The following GRM5 variants were observed in gnomAD, a reference collection of about 807,000 sequenced individuals.
GRM5 encodes metabotropic glutamate receptor 5.
GRM5 carries 19 observed loss-of-function variants against 83.1 expected under a neutral mutation model. That is an observed-to-expected ratio of 0.23 (90% CI 0.16 to 0.34). The LOEUF is 0.34. GRM5 is among the 10% of genes least tolerant of loss of function. GRM5 has a pLI of 1.00. For missense variants in GRM5, 1,160 were observed against 1,588.3 expected (o/e 0.73, Z 4.58); for synonymous variants, 675 against 633.6 (o/e 1.07, Z -0.98).
intron 2 of GRM5, among the ~76,000 whole-genome samples, chr11:88,944,389 T>C (rs754675093): frequency 3.9e-5 from 6 of 151,970 alleles, no homozygotes; most frequent in African/African-American, 9.7e-5. Context: ...CTTTATTTTA[T>C]TGAATATATT....
intron 3 of GRM5, among the ~76,000 whole-genome samples, chr11:88,660,641 G>A (rs16914465): frequency 0.01 from 1,529 of 152,196 alleles, 17 homozygotes; most frequent in East Asian, 0.066. Context: ...GGCATGCTAG[G>A]GCCACACAGT....
chr11:88,698,131 T>A (rs1359487774), intron 3 of GRM5, among the ~76,000 whole-genome samples: 1 of 152,188 alleles, frequency 6.6e-6, no homozygotes, highest in East Asian at 1.9e-4. Context: ...GGGAAACTTT[T>A]AAAAATGCAG....
chr11:88,653,478 G>T, intron 3 of GRM5, 75 bp from the exon 4 acceptor site: 1 of 945,634 alleles, frequency 1.1e-6, no homozygotes, highest in Non-Finnish European at 1.6e-6. Flanking sequence ...CTTTCCTTTT[G>T]ACAAGATTAG....
At chr11:88,571,227 A>G (rs549077851) in intron 7 of GRM5, among the ~76,000 whole-genome samples, 130 of 152,306 alleles carry the variant, frequency 8.5e-4, no homozygotes, top group African/African-American at 3.1e-3. Flanking sequence ...TGTTCAGCTT[A>G]TTAACATCTG....
chr11:88,659,973 T>C (rs541464111), intron 3 of GRM5, among the ~76,000 whole-genome samples: 1 of 152,350 alleles, frequency 6.6e-6, no homozygotes, highest in Admixed American at 6.5e-5. Context: ...AAAATTGCAT[T>C]GAGTGATCCT....
At chr11:88,616,863 TG>T (rs1298110517) in intron 4 of GRM5, among the ~76,000 whole-genome samples, 26 of 152,302 alleles carry the variant, frequency 1.7e-4, no homozygotes, top group African/African-American at 6.3e-4. Flanking sequence ...ACATTGGCGG[TG>T]ATCTGTCACT....
chr11:88,878,563 A>G (rs921536591), intron 2 of GRM5, among the ~76,000 whole-genome samples: 1 of 152,156 alleles, frequency 6.6e-6, no homozygotes, highest in African/African-American at 2.4e-5. Flanking sequence ...ACGGAGAAAG[A>G]TATTCTCACA....
chr11:88,530,646 C>T (rs1287974854), intron 8 of GRM5, among the ~76,000 whole-genome samples: 1 of 151,986 alleles, frequency 6.6e-6, no homozygotes, highest in Non-Finnish European at 1.5e-5. Flanking sequence ...CTCTTTCCTA[C>T]CAATATCTAC....
intron 7 of GRM5, among the ~76,000 whole-genome samples, chr11:88,580,266 G>T (rs1380328117): frequency 1.3e-5 from 2 of 152,184 alleles, no homozygotes; most frequent in Non-Finnish European, 2.9e-5. Flanking sequence ...GATTAGGTGA[G>T]AGATCTGGAC....
intron 3 of GRM5, among the ~76,000 whole-genome samples, chr11:88,711,163 G>A (rs1394947091): frequency 2.0e-5 from 3 of 152,066 alleles, no homozygotes; most frequent in Non-Finnish European, 4.4e-5. Context: ...CCAGGGATAC[G>A]AAAGTTTGAA....
At position 88,862,657 on chromosome 11, in the gene GRM5, A is replaced by AT. The variant is rs546899297; in HGVS notation, c.662-12503dup. On this transcript the variant is annotated intron_variant, in intron 2 of 9. Coordinates refer to ENST00000305447, the MANE Select transcript of GRM5 (RefSeq NM_001143831.3). ...TCTACAGGGAAGATTTTATTTTTTC[A>AT]TTTTTTTTAAGTTCTGGGACACATG... Among the ~76,000 whole-genome samples, 1,208 of 151,758 alleles carry AT rather than the reference A, an allele frequency of 8.0e-3. 16 individuals carry two copies. Among genetic ancestry groups the AT allele is most frequent in the African/African-American group, 0.027 (1,117 of 41,382 alleles).
chr11:89,017,373 A>G (rs187769706), intron 2 of GRM5, among the ~76,000 whole-genome samples: 101 of 152,334 alleles, frequency 6.6e-4, no homozygotes, highest in Middle Eastern at 3.4e-3. Context: ...CAACAAAATT[A>G]AAAAACAAAC....
At chr11:88,774,436 T>C (rs1239329568) in intron 3 of GRM5, among the ~76,000 whole-genome samples, 1 of 152,214 alleles carries the variant, frequency 6.6e-6, no homozygotes, top group East Asian at 1.9e-4. Context: ...TTGAATACCC[T>C]TTATTTCTTT....
intron 3 of GRM5, among the ~76,000 whole-genome samples, chr11:88,725,038 A>G (rs2387405): frequency 0.06 from 9,137 of 152,172 alleles, 244 homozygotes; most frequent in Middle Eastern, 0.085. Flanking sequence ...CCTGGATGCC[A>G]TGATACAGAA....
At chr11:88,724,902 AACC>A (rs1323608497) in intron 3 of GRM5, among the ~76,000 whole-genome samples, 1 of 152,174 alleles carries the variant, frequency 6.6e-6, no homozygotes, top group African/African-American at 2.4e-5. Flanking sequence ...AAGTCTTCAC[AACC>A]CGCAGACCAG....
intron 8 of GRM5, among the ~76,000 whole-genome samples, chr11:88,564,751 G>A (rs761515568): frequency 2.0e-5 from 3 of 152,212 alleles, no homozygotes; most frequent in Non-Finnish European, 4.4e-5. Flanking sequence ...GCACAGTGAT[G>A]AGCAAGGTAA....
At chr11:88,701,832 G>A (rs1941043517) in intron 3 of GRM5, among the ~76,000 whole-genome samples, 1 of 152,112 alleles carries the variant, frequency 6.6e-6, no homozygotes, top group Admixed American at 6.6e-5. Context: ...AGACAAGGAA[G>A]GCTGTTAACC....
intron 3 of GRM5, among the ~76,000 whole-genome samples, chr11:88,718,811 A>T (rs1311569555): frequency 6.6e-6 from 1 of 151,976 alleles, no homozygotes; most frequent in Non-Finnish European, 1.5e-5. Flanking sequence ...TAAAGGCTTA[A>T]CTCATAGTAT....
chr11:89,044,850 GAA>G (rs200457790), intron 2 of GRM5, among the ~76,000 whole-genome samples: 18 of 130,802 alleles, frequency 1.4e-4, no homozygotes, highest in African/African-American at 3.0e-4. Context: ...AAGTGGGGAG[GAA>G]AAAAAAAAAA....
Sources: gnomAD v4.1 joint callset for allele counts (sites outside exome capture counted in the v4.1 genomes callset) on GRCh38, gnomAD v4.1.1 for gene constraint, MANE v1.5 for transcripts, NCBI Gene and HGNC (gene_info 2026-07-23, HGNC 2026-07-21) for gene names.